Variants in TC2N observed in about 807,000 individuals in gnomAD.
TC2N encodes tandem C2 domains nuclear protein.
TC2N carries 51 observed loss-of-function variants against 61.9 expected under a neutral mutation model. The ratio of observed to expected loss-of-function variants is 0.82; its 90% CI spans 0.66 to 1.04. The LOEUF is 1.04. Ranked by LOEUF, TC2N falls within the 50% of genes least tolerant of loss-of-function variation. TC2N has a pLI of 0.00. For missense variants in TC2N, 556 were observed against 566.7 expected (o/e 0.98, Z 0.19); for synonymous variants, 204 against 192.6 (o/e 1.06, Z -0.49).
intron 1 of TC2N, among the ~76,000 whole-genome samples, chr14:91,836,014 C>T: frequency 6.6e-6 from 1 of 152,250 alleles, no homozygotes; most frequent in African/African-American, 2.4e-5. Context: ...CCGTCGCCCA[C>T]CCCTGGTGCC....
chr14:91,845,849 G>T (rs1888259879), intron 1 of TC2N, among the ~76,000 whole-genome samples: 2 of 152,204 alleles, frequency 1.3e-5, no homozygotes, highest in African/African-American at 4.8e-5. Context: ...TTCCTCAATG[G>T]TATATCTATC....
At chr14:91,800,840 C>T (rs537589404) in intron 4 of TC2N, among the ~76,000 whole-genome samples, 39 of 151,918 alleles carry the variant, frequency 2.6e-4, no homozygotes, top group African/African-American at 9.2e-4. Flanking sequence ...CTTTGTATGC[C>T]AATTGTATAT....
chr14:91,833,040 T>C (rs1244532346), intron 1 of TC2N, among the ~76,000 whole-genome samples: 2 of 152,120 alleles, frequency 1.3e-5, no homozygotes, highest in African/African-American at 2.4e-5. Flanking sequence ...TTGGAATGCA[T>C]AGACATGTGG....
At chr14:91,862,984 T>C (rs1888624821) in intron 1 of TC2N, among the ~76,000 whole-genome samples, 1 of 152,186 alleles carries the variant, frequency 6.6e-6, no homozygotes, top group African/African-American at 2.4e-5. Context: ...TACTGAAAGA[T>C]GTAGATGATG....
At chr14:91,864,007 C>A (rs1187528108) in intron 1 of TC2N, among the ~76,000 whole-genome samples, 3 of 151,862 alleles carry the variant, frequency 2.0e-5, no homozygotes, top group Non-Finnish European at 4.4e-5. Flanking sequence ...AAGAAAAAAA[C>A]CCAGAATAAA....
At chr14:91,858,041 T>C (rs894379306) in intron 1 of TC2N, among the ~76,000 whole-genome samples, 26 of 152,110 alleles carry the variant, frequency 1.7e-4, no homozygotes, top group African/African-American at 6.3e-4. Context: ...TCATGGCTCA[T>C]TGCAGCCTCA....
intron 1 of TC2N, among the ~76,000 whole-genome samples, chr14:91,817,375 C>G (rs1363294211): frequency 1.3e-5 from 2 of 151,798 alleles, no homozygotes; most frequent in Non-Finnish European, 2.9e-5. Flanking sequence ...ACTCCGTAAC[C>G]ACCCAAATCA....
chr14:91,783,127 G>T lies in TC2N; in HGVS notation c.1446C>A (p.Ile482=). Residue 482 remains isoleucine, a synonymous_variant, in exon 12 of 12, where the codon ATC becomes ATA. Transcript: ENST00000435962. ...AAGATGGATTTAATTTGTGCCACCT[G>T]ATAACAACCTTTTCTGGATTTATTA... ...ETVINPEKVV[I]RWHKLNPS is the part of the protein sequence containing the mutation. The T allele has an allele frequency of 6.2e-7, 1 of 1,610,362 alleles. No homozygotes were observed. The highest frequency in any genetic ancestry group is 1.1e-5 in the South Asian group (1 of 90,864).
chr14:91,859,904 G>A (rs946305008), intron 1 of TC2N, among the ~76,000 whole-genome samples: 1 of 152,212 alleles, frequency 6.6e-6, no homozygotes, highest in Non-Finnish European at 1.5e-5. Context: ...CAAGAATTTG[G>A]TCTAAAGGAG....
intron 2 of TC2N, 62 bp downstream of exon 2, chr14:91,813,641 A>G (rs1886875131): frequency 1.1e-5 from 13 of 1,227,738 alleles, no homozygotes; most frequent in Non-Finnish European, 1.4e-5. Context: ...TCTTTATATT[A>G]CAAAATGCCA....
chr14:91,813,253 G>GTCAT (rs1886859744), intron 2 of TC2N, among the ~76,000 whole-genome samples: 1 of 151,626 alleles, frequency 6.6e-6, no homozygotes, highest in African/African-American at 2.4e-5. Context: ...TTCCCCATTG[G>GTCAT]TCATTCATTC....
rs190764863 is a variant in TC2N at position 91,847,558 on chromosome 14, G to A, written c.-57+19704C>T. On this transcript the variant is annotated intron_variant, in intron 1 of 11. Transcript: ENST00000435962. ...TGGAGACCCAAATGAAGAGGGCCACGTAGAAAAGAATAAGGCCCATGACCT... is the reference window on the plus strand; with the variant it reads ...TGGAGACCCAAATGAAGAGGGCCACATAGAAAAGAATAAGGCCCATGACCT... Among the ~76,000 whole-genome samples, 1,041 of 152,300 alleles carry A rather than the reference G, an allele frequency of 6.8e-3. 7 individuals carry two copies. Among genetic ancestry groups the A allele is most frequent in the Non-Finnish European group, 9.6e-3 (655 of 68,022 alleles).
At chr14:91,823,039 G>T (rs1262905324) in intron 1 of TC2N, among the ~76,000 whole-genome samples, 4 of 152,002 alleles carry the variant, frequency 2.6e-5, no homozygotes, top group Admixed American at 6.5e-5. Flanking sequence ...TGACTGTGGT[G>T]ATGGTTTCAT....
chr14:91,855,793 G>A, intron 1 of TC2N, among the ~76,000 whole-genome samples: 1 of 152,236 alleles, frequency 6.6e-6, no homozygotes, highest in Non-Finnish European at 1.5e-5. Flanking sequence ...GAGGGGAGTT[G>A]TGGCAGTGGT....
rs117778930 is a variant in TC2N at position 91,827,930 on chromosome 14, T to G, written c.-56-14105A>C. On this transcript the variant is annotated intron_variant, in intron 1 of 11. Coordinates refer to ENST00000435962, the MANE Select transcript of TC2N (RefSeq NM_001128596.3). The stretch of plus-strand genomic sequence containing the variant: ...AGGCATGATGTCATCATTGCACATA[T>G]TTTGATTCTATCTTGTTAAAACCCC... Among the ~76,000 whole-genome samples, 1,388 of 152,316 alleles carry G rather than the reference T, an allele frequency of 9.1e-3. 9 individuals are homozygous for G. The highest frequency in any genetic ancestry group is 0.015 in the Non-Finnish European group (1,020 of 67,988).
intron 1 of TC2N, among the ~76,000 whole-genome samples, chr14:91,823,476 C>T (rs910812224): frequency 7.3e-5 from 11 of 151,302 alleles, no homozygotes; most frequent in South Asian, 4.2e-4. Context: ...GCCGAGATCA[C>T]GCCATTGCAC....
intron 1 of TC2N, among the ~76,000 whole-genome samples, chr14:91,851,409 CCTTT>C (rs1177319285): frequency 1.3e-5 from 2 of 152,134 alleles, no homozygotes; most frequent in African/African-American, 4.8e-5. Context: ...ACCTCTCCAA[CCTTT>C]CTTTGGTTGT....
At chr14:91,833,419 A>G (rs369130335) in intron 1 of TC2N, among the ~76,000 whole-genome samples, 1 of 152,148 alleles carries the variant, frequency 6.6e-6, no homozygotes, top group Non-Finnish European at 1.5e-5. Context: ...ATTTTTATTT[A>G]ATCTGTTTTA....
intron 8 of TC2N, among the ~76,000 whole-genome samples, chr14:91,794,166 G>A (rs1885790678): frequency 6.6e-6 from 1 of 152,184 alleles, no homozygotes. Context: ...GAGAAGTGAA[G>A]AAGCTGAAGA....
Sources: gnomAD v4.1 joint callset for allele counts (sites outside exome capture counted in the v4.1 genomes callset) on GRCh38, gnomAD v4.1.1 for gene constraint, MANE v1.5 for transcripts, NCBI Gene and HGNC (gene_info 2026-07-23, HGNC 2026-07-21) for gene names.